Variants in ADGRG2 observed in about 807,000 individuals in gnomAD.
ADGRG2 encodes the protein G protein-coupled receptor 64.
In ADGRG2, 26 loss-of-function variants were observed where a neutral mutation model predicts 74.1. That is an observed-to-expected ratio of 0.35 (90% CI 0.26 to 0.49). ADGRG2 has a LOEUF of 0.49. ADGRG2 is among the 20% of genes least tolerant of loss of function. The pLI is 0.99. For missense variants in ADGRG2, 619 were observed against 763.1 expected, an observed-to-expected ratio of 0.81 and a Z score of 2.22; for synonymous variants, 296 against 295.2, an observed-to-expected ratio of 1.00 and a Z score of -0.03.
intron 28 of ADGRG2, among the ~76,000 whole-genome samples, chrX:18,994,489 C>T (rs1368489615): frequency 1.9e-5 from 2 of 107,516 alleles, no homozygotes; most frequent in South Asian, 4.1e-4. Flanking sequence ...AAGAGTGAGA[C>T]TCCATCTCAA....
intron 3 of ADGRG2, among the ~76,000 whole-genome samples, chrX:19,050,026 A>C (rs1364397531): frequency 9.0e-6 from 1 of 111,103 alleles, no homozygotes; most frequent in Non-Finnish European, 1.9e-5. Context: ...TTCACAATTG[A>C]GCAGTGATCA....
intron 1 of ADGRG2, among the ~76,000 whole-genome samples, chrX:19,083,505 A>G (rs1181457843): frequency 9.0e-6 from 1 of 110,988 alleles, no homozygotes; most frequent in Admixed American, 9.6e-5. Context: ...AAACTCCTTG[A>G]TATCAAGGAT....
chrX:19,043,534 AT>A (rs901633264), intron 3 of ADGRG2, among the ~76,000 whole-genome samples: 6 of 112,374 alleles, frequency 5.3e-5, no homozygotes. Context: ...AGCATTATTC[AT>A]TTATGGAAGT....
intron 13 of ADGRG2, among the ~76,000 whole-genome samples, chrX:19,023,063 T>G (rs981966379): frequency 9.0e-6 from 1 of 111,654 alleles, no homozygotes; most frequent in Admixed American, 9.5e-5. Flanking sequence ...AAGCTCCATG[T>G]TACATTCCCT....
chrX:19,074,361 T>A (rs1418035071), intron 2 of ADGRG2, among the ~76,000 whole-genome samples: 1 of 110,990 alleles, frequency 9.0e-6, no homozygotes, highest in Non-Finnish European at 1.9e-5. Context: ...TGCCTCAGCC[T>A]CCTGAGTAGC....
intron 1 of ADGRG2, among the ~76,000 whole-genome samples, chrX:19,097,695 C>G (rs2062120781): frequency 9.0e-6 from 1 of 111,538 alleles, no homozygotes; most frequent in African/African-American, 3.3e-5. Context: ...TCCTCCCCAC[C>G]CCGGCCCCGG....
chrX:19,009,371 T>C (rs1052613641), intron 18 of ADGRG2, among the ~76,000 whole-genome samples: 2 of 110,534 alleles, frequency 1.8e-5, no homozygotes, highest in Non-Finnish European at 3.8e-5. Flanking sequence ...AGAGATGGGG[T>C]TTCACCATGT....
At position 19,002,952 on chromosome X, in the gene ADGRG2, T is replaced by A; in HGVS notation, c.2124A>T (p.Ser708=). 2 of 1,208,331 alleles carry A rather than the reference T, an allele frequency of 1.7e-6. No homozygotes were observed. The highest frequency in any genetic ancestry group is 2.2e-6 in the Non-Finnish European group (2 of 892,492). The stretch of plus-strand genomic sequence containing the variant: ...ATGCTTCTAGGCCCATCCATGTGAA[T>A]GAGACCAAGAGAAAATAATGAAGAA... ...AVFLHYFLLV[S]FTWMGLEAFH... Residue 708 remains serine, a synonymous_variant, in exon 24 of 29, where the codon TCA becomes TCT. Coordinates refer to ENST00000379869, the MANE Select transcript of ADGRG2 (RefSeq NM_001079858.3).
chrX:19,011,257 G>A (rs985762453), intron 16 of ADGRG2, among the ~76,000 whole-genome samples: 1 of 111,358 alleles, frequency 9.0e-6, no homozygotes, highest in Non-Finnish European at 1.9e-5. Flanking sequence ...TTTTGACTTC[G>A]AAGGGACACA....
intron 3 of ADGRG2, among the ~76,000 whole-genome samples, chrX:19,062,641 G>C (rs990864113): frequency 9.0e-6 from 1 of 111,498 alleles, no homozygotes; most frequent in Non-Finnish European, 1.9e-5. Context: ...CAGGTTTCCC[G>C]CCTCTCAGGA....
At chrX:19,064,166 C>T (rs756448121) in intron 3 of ADGRG2, among the ~76,000 whole-genome samples, 30 of 111,724 alleles carry the variant, frequency 2.7e-4, no homozygotes, top group African/African-American at 9.1e-4. Flanking sequence ...ACATGAAAGC[C>T]GTAAGCATCC....
rs771513124 is a variant in ADGRG2 at position 18,998,885 on chromosome X, G to A, written c.2614+111C>T. 634 of 605,087 alleles carry A rather than the reference G, an allele frequency of 1.0e-3. 6 individuals carry two copies. The African/African-American group carries it at 0.013, about 13-fold the overall frequency. The allele number at this position is 605,087 out of a possible 1,213,427, so 49.9% of individuals were successfully genotyped here. A position where few individuals can be genotyped will look rare whatever the true frequency, so the allele number is the denominator to read the frequency against. ...TTGCAATATTTGCTTTATTGTAGTG[G>A]TCTAGAACCAAACCCCCAACATCTC... is the stretch of plus-strand genomic sequence containing the variant. On this transcript the variant is annotated intron_variant, in intron 26 of 28. Coordinates refer to ENST00000379869, the MANE Select transcript of ADGRG2 (RefSeq NM_001079858.3).
intron 15 of ADGRG2, among the ~76,000 whole-genome samples, chrX:19,015,379 C>T (rs1331016579): frequency 8.9e-6 from 1 of 112,242 alleles, no homozygotes; most frequent in Non-Finnish European, 1.9e-5. Flanking sequence ...AGGTTCGGGG[C>T]AGTGAGGATA....
chrX:19,000,543 T>G (rs2060110618), intron 24 of ADGRG2, among the ~76,000 whole-genome samples: 3 of 111,644 alleles, frequency 2.7e-5, no homozygotes, highest in African/African-American at 9.8e-5. Flanking sequence ...AAACCTCCTG[T>G]GAGATCCTCT....
At chrX:19,099,468 C>T (rs1024699056) in intron 1 of ADGRG2, among the ~76,000 whole-genome samples, 6 of 112,113 alleles carry the variant, frequency 5.4e-5, no homozygotes, top group African/African-American at 1.9e-4. Context: ...CAAGATACAG[C>T]ACCACCTGAC....
chrX:19,024,018 T>C (rs368060619), intron 11 of ADGRG2, 70 bp from the exon 12 acceptor site: 1 of 770,952 alleles, frequency 1.3e-6, no homozygotes. Flanking sequence ...CATGTTAGAT[T>C]TTAGCAATTA....
At chrX:19,006,294 T>G in intron 20 of ADGRG2, 29 bp from the exon 21 acceptor site, 1 of 991,186 alleles carries the variant, frequency 1.0e-6, no homozygotes, top group Non-Finnish European at 1.4e-6. Context: ...TCACACATAA[T>G]TAATTTACTG....
intron 2 of ADGRG2, among the ~76,000 whole-genome samples, chrX:19,077,752 A>T (rs185387616): frequency 3.6e-5 from 4 of 112,036 alleles, no homozygotes; most frequent in African/African-American, 1.3e-4. Context: ...TATCAGACAA[A>T]TTATACTTTA....
chrX:18,998,091 AC>A (rs2060051202), intron 26 of ADGRG2, among the ~76,000 whole-genome samples: 1 of 112,249 alleles, frequency 8.9e-6, no homozygotes, highest in Admixed American at 9.5e-5. Context: ...CCAATGGGAA[AC>A]CTAAAGCAGA....
Sources: allele counts gnomAD v4.1 joint callset (sites outside exome capture counted in the v4.1 genomes callset), GRCh38; gene constraint gnomAD v4.1.1; transcripts MANE v1.5; gene names NCBI Gene and HGNC (gene_info 2026-07-23, HGNC 2026-07-21).